The following SMAP1 variants were observed in gnomAD, a reference collection of about 807,000 sequenced individuals.
SMAP1 encodes small ArfGAP 1.
A neutral mutation model predicts 58.5 loss-of-function variants in SMAP1; 24 were observed. That is an observed-to-expected ratio of 0.41 (90% CI 0.30 to 0.58). The LOEUF is 0.58. SMAP1 is among the 20% of genes least tolerant of loss of function. The pLI, the probability that SMAP1 is intolerant of heterozygous loss-of-function variation, is 0.29. For missense variants in SMAP1, 563 were observed against 566.3 expected (o/e 0.99, Z 0.06); for synonymous variants, 216 against 196.6 (o/e 1.10, Z -0.82).
In SMAP1 at chr6:70,787,844, T is replaced by C. The variant is rs1366154789; in HGVS notation, c.415-3845T>C. Among the ~76,000 whole-genome samples the C allele has an allele frequency of 3.3e-5, 5 of 150,370 alleles. No individual in the cohort carries two copies. In the East Asian group the frequency reaches 7.7e-4, roughly 23 times the overall value. On this transcript the variant is annotated intron_variant, in intron 4 of 10. Transcript: ENST00000370455. ...TGGAGAAATAGGAACACTTTTACAC[T>C]GTTGTTGGGACTGTACACTAGTTCA...
chr6:70,817,931 A>G (rs1302512709), intron 6 of SMAP1, among the ~76,000 whole-genome samples: 4 of 152,214 alleles, frequency 2.6e-5, no homozygotes, highest in Non-Finnish European at 5.9e-5. Flanking sequence ...CTCTTGTTTC[A>G]TTAGATGAAA....
At chr6:70,791,603 C>T (rs542355845) in intron 4 of SMAP1, 86 bp from the exon 5 acceptor site, 14 of 1,091,736 alleles carry the variant, frequency 1.3e-5, no homozygotes, top group Non-Finnish European at 1.7e-5. Context: ...CAAAAATATA[C>T]AGGGATTTTT....
chr6:70,735,792 TTA>T lies in SMAP1; in HGVS notation c.252+3283_252+3284del, dbSNP rs1279220406. Among the ~76,000 whole-genome samples the T allele has an allele frequency of 3.3e-5, 5 of 152,190 alleles. No homozygotes were observed. The East Asian group carries it at 9.6e-4, about 29-fold the overall frequency. On this transcript the variant is annotated intron_variant, in intron 2 of 10. Coordinates refer to ENST00000370455, the MANE Select transcript of SMAP1 (RefSeq NM_001044305.3). The stretch of plus-strand genomic sequence containing the variant: ...TAAAAAAGAAGTACTTGGGAGGTAT[TTA>T]TTTATGGAACTAAGAGAAATACTTT...
chr6:70,684,704 TG>T (rs67747839), intron 1 of SMAP1, among the ~76,000 whole-genome samples: 26,264 of 151,964 alleles, frequency 0.17, 3,615 homozygotes, highest in East Asian at 0.61. Context: ...ATTTTGAACT[TG>T]TTTACATTTT....
chr6:70,824,650 A>G (rs1163082659), intron 6 of SMAP1, among the ~76,000 whole-genome samples: 1 of 152,222 alleles, frequency 6.6e-6, no homozygotes, highest in East Asian at 1.9e-4. Flanking sequence ...GATACACTTC[A>G]TATTCTTAGC....
chr6:70,815,737 A>G (rs1292924211), intron 6 of SMAP1, among the ~76,000 whole-genome samples: 1 of 152,150 alleles, frequency 6.6e-6, no homozygotes, highest in Non-Finnish European at 1.5e-5. Flanking sequence ...ATTGCTGTCA[A>G]TCCCCATACA....
At chr6:70,784,128 A>G (rs1452572927) in intron 4 of SMAP1, among the ~76,000 whole-genome samples, 1 of 152,244 alleles carries the variant, frequency 6.6e-6, no homozygotes, top group African/African-American at 2.4e-5. Flanking sequence ...ACAAGCCAGA[A>G]GAGAGTGGGG....
At chr6:70,764,856 G>T (rs535882807) in intron 3 of SMAP1, among the ~76,000 whole-genome samples, 111 of 152,190 alleles carry the variant, frequency 7.3e-4, no homozygotes, top group African/African-American at 2.7e-3. Flanking sequence ...CTGGAATGCA[G>T]TGGTGCGATC....
At chr6:70,777,349 T>A (rs1218919680) in intron 4 of SMAP1, among the ~76,000 whole-genome samples, 1 of 152,238 alleles carries the variant, frequency 6.6e-6, no homozygotes, top group Non-Finnish European at 1.5e-5. Context: ...TCTTGGCTCC[T>A]CCTGCATTTC....
intron 8 of SMAP1, among the ~76,000 whole-genome samples, chr6:70,853,094 T>G (rs1021376939): frequency 3.3e-5 from 5 of 152,200 alleles, no homozygotes; most frequent in African/African-American, 1.2e-4. Context: ...TGTGGCTGTT[T>G]GTAAATATTG....
At chr6:70,726,309 G>A (rs1768782088) in intron 1 of SMAP1, among the ~76,000 whole-genome samples, 1 of 152,174 alleles carries the variant, frequency 6.6e-6, no homozygotes, top group Non-Finnish European at 1.5e-5. Flanking sequence ...GTAAGCTAGA[G>A]ACTGCTTAAA....
At chr6:70,826,730 T>G (rs1770137385) in intron 6 of SMAP1, among the ~76,000 whole-genome samples, 1 of 151,968 alleles carries the variant, frequency 6.6e-6, no homozygotes, top group African/African-American at 2.4e-5. Flanking sequence ...CACTCCAGCC[T>G]GGATGACAGA....
In SMAP1 at chr6:70,690,708, A is replaced by ATTTT. The variant is rs200774165; in HGVS notation, c.118+22569_118+22572dup. ...ATCTTTTATATATATATATATATAT[A>ATTTT]TTTTTGAATTTGATTTGCTATGATT... On this transcript the variant is annotated intron_variant, in intron 1 of 10. Coordinates refer to ENST00000370455, the MANE Select transcript of SMAP1 (RefSeq NM_001044305.3). 3.5e-4 allele frequency among the ~76,000 whole-genome samples: 52 copies of ATTTT among 148,996 alleles called. 1 individual carries two copies. In the South Asian group the frequency reaches 8.8e-3, roughly 25 times the overall value.
At chr6:70,717,323 C>G (rs1029090956) in intron 1 of SMAP1, among the ~76,000 whole-genome samples, 2 of 152,190 alleles carry the variant, frequency 1.3e-5, no homozygotes, top group African/African-American at 4.8e-5. Context: ...GTCCACAGTT[C>G]AGGAAAACTC....
intron 1 of SMAP1, among the ~76,000 whole-genome samples, chr6:70,717,493 T>C (rs1045670989): frequency 3.3e-5 from 5 of 152,338 alleles, no homozygotes; most frequent in African/African-American, 1.2e-4. Context: ...TTTGGCACAG[T>C]GCACAGGGAG....
At chr6:70,836,330 A>G (rs1238549429) in intron 6 of SMAP1, among the ~76,000 whole-genome samples, 1 of 152,002 alleles carries the variant, frequency 6.6e-6, no homozygotes, top group Non-Finnish European at 1.5e-5. Context: ...ACTACCCCTT[A>G]TAATACCGTC....
At chr6:70,792,076 A>T (rs1409307165) in intron 5 of SMAP1, among the ~76,000 whole-genome samples, 2 of 152,166 alleles carry the variant, frequency 1.3e-5, no homozygotes, top group South Asian at 2.1e-4. Flanking sequence ...TTTAAAAAAA[A>T]TTTTCTTTCT....
At position 70,860,810 on chromosome 6, in the gene SMAP1, C is replaced by T. The variant is rs917030859; in HGVS notation, c.*476C>T. ...CACTGTTTTCTAGTGTATCAAAATG[C>T]TCTTATTTCATCATTCACTTCACTG... On this transcript the variant is annotated 3_prime_UTR_variant, in exon 11 of 11. Coordinates refer to ENST00000370455, the MANE Select transcript of SMAP1 (RefSeq NM_001044305.3). 2 of 397,570 alleles carry T rather than the reference C, an allele frequency of 5.0e-6. No homozygotes were observed. Among genetic ancestry groups the T allele is most frequent in the South Asian group, 1.3e-4 (1 of 7,764 alleles). The allele number at this position is 397,570 out of a possible 1,614,324, so 24.6% of individuals were successfully genotyped here. A position where few individuals can be genotyped will look rare whatever the true frequency, so the allele number is the denominator to read the frequency against.
chr6:70,831,440 C>A (rs778355757), intron 6 of SMAP1, among the ~76,000 whole-genome samples: 1 of 152,102 alleles, frequency 6.6e-6, no homozygotes, highest in South Asian at 2.1e-4. Flanking sequence ...TGAAGTAGGT[C>A]CCAGTGTCTG....
Sources: gnomAD v4.1 joint callset for allele counts (sites outside exome capture counted in the v4.1 genomes callset) on GRCh38, gnomAD v4.1.1 for gene constraint, MANE v1.5 for transcripts, NCBI Gene and HGNC (gene_info 2026-07-23, HGNC 2026-07-21) for gene names.